Variants in MIA3 observed in about 807,000 individuals in gnomAD.
MIA3 encodes MIA SH3 domain ER export factor 3, also known as transport and Golgi organization protein 1 homolog.
A neutral mutation model predicts 192.4 loss-of-function variants in MIA3; 90 were observed. That is an observed-to-expected ratio of 0.47 (90% CI 0.39 to 0.56). The LOEUF is 0.56. Among genes scored for constraint, MIA3 ranks in the 20% least tolerant of loss-of-function variants. The probability of loss-of-function intolerance (pLI) is 0.00; values close to 1 mark genes in which losing one functional copy is unlikely to be tolerated. For missense variants in MIA3, 2,123 were observed against 2,269.4 expected (o/e 0.94, Z 1.31); for synonymous variants, 740 against 792.8 (o/e 0.93, Z 1.12).
intron 6 of MIA3, among the ~76,000 whole-genome samples, chr1:222,641,093 GA>G (rs1342249221): frequency 1.3e-5 from 2 of 152,208 alleles, no homozygotes; most frequent in Non-Finnish European, 2.9e-5. Flanking sequence ...GGAGGAAATG[GA>G]AGTATCATAC....
In MIA3 at chr1:222,630,273, T is replaced by G. The variant is rs777709330; in HGVS notation, c.3053T>G (p.Leu1018Arg). Residue 1018 changes from leucine (L) to arginine (R), a missense_variant, in exon 4 of 28, where the codon CTT becomes CGT. Coordinates refer to ENST00000344922, the MANE Select transcript of MIA3 (RefSeq NM_198551.4). Reference sequence around the variant, plus strand: ...AACATATTTGAAGAGGCTGCAGTGCTTGATGACATTCAAGACCTCATCTAT... The same window carrying G: ...AACATATTTGAAGAGGCTGCAGTGCGTGATGACATTCAAGACCTCATCTAT... The part of the protein sequence containing the change: ...ENNIFEEAAV[L>R]DDIQDLIYFV... 1.9e-6 allele frequency: 3 copies of G among 1,614,232 alleles called. No homozygotes were observed. In the East Asian group the frequency reaches 6.7e-5, roughly 36 times the overall value.
intron 6 of MIA3, chr1:222,641,979 T>G: frequency 2.8e-6 from 1 of 360,504 alleles, no homozygotes; most frequent in South Asian, 2.2e-5. Flanking sequence ...AAAAGAACCA[T>G]TATAGATATG....
chr1:222,664,116 C>T lies in MIA3; in HGVS notation c.5381C>T (p.Pro1794Leu). 1.2e-6 allele frequency: 2 copies of T among 1,614,186 alleles called. No homozygotes were observed. Among genetic ancestry groups the T allele is most frequent in the Non-Finnish European group, 1.7e-6 (2 of 1,180,006 alleles). Residue 1794 changes from proline (P) to leucine (L), a missense_variant, in exon 27 of 28, where the codon CCT becomes CTT. Physicochemically the swap from Pro to Leu is moderately conservative, Grantham distance 98. Around this residue, in one of 3 missense-constraint regions of MIA3, gnomAD observed 762 missense variants for 856.4 expected, o/e 0.89. Coordinates refer to ENST00000344922, the MANE Select transcript of MIA3 (RefSeq NM_198551.4). ...RYGPPPQLCG[P>L]FGPRPLPPPF... ...GGACCACCACCTCAGCTCTGCGGAC[C>T]TTTTGGGCCTCGGCCACTTCCTCCA...
intron 6 of MIA3, among the ~76,000 whole-genome samples, chr1:222,642,381 C>T (rs564030269): frequency 6.6e-6 from 1 of 152,204 alleles, no homozygotes; most frequent in South Asian, 2.1e-4. Context: ...TGACAGCATA[C>T]CCTAGCAGTA....
At position 222,648,596 on chromosome 1, in the gene MIA3, A is replaced by G. The variant is rs547670649; in HGVS notation, c.3610-233A>G. ...ATATAAACATATCTTTAGCTGTGCA[A>G]AGTAAGATATTTACCTCAGTGCTTT... On this transcript the variant is annotated intron_variant, in intron 7 of 27. Transcript: ENST00000344922. 7.2e-5 allele frequency among the ~76,000 whole-genome samples: 11 copies of G among 152,326 alleles called. No individual in the cohort carries two copies. The South Asian group carries it at 1.9e-3, about 26-fold the overall frequency.
intron 6 of MIA3, among the ~76,000 whole-genome samples, chr1:222,639,238 T>A (rs79169224): frequency 0.014 from 2,120 of 152,306 alleles, 57 homozygotes; most frequent in African/African-American, 0.048. Flanking sequence ...GTAAATTGGA[T>A]TTACAGCTAA....
At position 222,654,279 on chromosome 1, in the gene MIA3, A is replaced by G; in HGVS notation, c.4358A>G (p.Gln1453Arg). ...RNEKMKNQIK[Q>R]MMDVSRTQTA... ...GAGAAGATGAAAAATCAAATTAAGC[A>G]GATGATGGATGTCTCTCGGGTATAA... Residue 1453 changes from glutamine to arginine, a missense_variant, in exon 16 of 28, where the codon CAG becomes CGG. Gln to Arg is a conservative substitution (Grantham distance 43). Around this residue, in one of 3 missense-constraint regions of MIA3, gnomAD observed 762 missense variants for 856.4 expected, o/e 0.89. Coordinates refer to ENST00000344922, the MANE Select transcript of MIA3 (RefSeq NM_198551.4). 2 of 1,614,098 alleles carry G rather than the reference A, an allele frequency of 1.2e-6. No individual in the cohort carries two copies. Among genetic ancestry groups the G allele is most frequent in the East Asian group, 2.2e-5 (1 of 44,868 alleles).
In MIA3 at chr1:222,665,628, CCT is replaced by C. The variant is rs1664248469; in HGVS notation, c.*12_*13del. The stretch of plus-strand genomic sequence containing the variant: ...TAAAACAGAGCCCATAAAACTATGA[CCT>C]CTGAGGTTTCATTGGAAAGAAAGTG... On this transcript the variant is annotated 3_prime_UTR_variant, in exon 28 of 28. Coordinates refer to ENST00000344922, the MANE Select transcript of MIA3 (RefSeq NM_198551.4). 6.4e-7 allele frequency: 1 copy of C among 1,553,718 alleles called. No homozygotes were observed. The highest frequency in any genetic ancestry group is 2.1e-5 in the Admixed American group (1 of 47,286).
chr1:222,627,488 G>A (rs1184169132), intron 3 of MIA3, 87 bp from the exon 4 acceptor site: 37 of 1,172,476 alleles, frequency 3.2e-5, no homozygotes, highest in Non-Finnish European at 4.2e-5. Context: ...ACGTGAATTC[G>A]AGATTATCTC....
intron 18 of MIA3, among the ~76,000 whole-genome samples, chr1:222,655,093 C>T (rs903373368): frequency 2.0e-5 from 3 of 152,182 alleles, no homozygotes; most frequent in Non-Finnish European, 4.4e-5. Flanking sequence ...TCTGTGGCTC[C>T]GCCACTTGTT....
At chr1:222,649,599 C>T (rs1371590217) in intron 8 of MIA3, 1 of 152,218 alleles carries the variant, frequency 6.6e-6, no homozygotes, top group Non-Finnish European at 1.5e-5. Flanking sequence ...AACCCCATCT[C>T]TATAAAAAAA....
chr1:222,629,550 A>C lies in MIA3; in HGVS notation c.2330A>C (p.Glu777Ala). Residue 777 changes from glutamate to alanine, a missense_variant, in exon 4 of 28, where the codon GAA becomes GCA. Glu to Ala is a moderately radical substitution (Grantham distance 107). This residue lies in a region of MIA3 where 1,357 missense variants were observed against 1,396.1 expected (regional missense o/e 0.97). Transcript: ENST00000344922. ...ATTCATCCAGATCCAGAAATTGAAG[A>C]AAGCAAGCAAGAAACTAGTATGATT... ...GTIHPDPEIEESKQETSMILD... is the reference protein window; with the variant it reads ...GTIHPDPEIEASKQETSMILD... 1.2e-6 allele frequency: 2 copies of C among 1,613,936 alleles called. No homozygotes were observed. The highest frequency in any genetic ancestry group is 1.7e-6 in the Non-Finnish European group (2 of 1,179,956).
chr1:222,623,237 A>G (rs1661956042), intron 2 of MIA3, among the ~76,000 whole-genome samples: 1 of 151,382 alleles, frequency 6.6e-6, no homozygotes. Flanking sequence ...GCAAAATTAG[A>G]CATAAAGATT....
chr1:222,664,173 T>C (rs772308096), intron 27 of MIA3, 25 bp downstream of exon 27: 1 of 1,613,040 alleles, frequency 6.2e-7, no homozygotes, highest in African/African-American at 1.3e-5. Flanking sequence ...ACAGTAGTAA[T>C]TGACTTGTAA....
At chr1:222,619,374 C>T (rs961794633) in intron 1 of MIA3, among the ~76,000 whole-genome samples, 7 of 152,126 alleles carry the variant, frequency 4.6e-5, no homozygotes, top group African/African-American at 1.4e-4. Context: ...TTTAAGAAGG[C>T]CAAGAACTCT....
intron 6 of MIA3, among the ~76,000 whole-genome samples, chr1:222,644,770 ACT>A (rs1663054202): frequency 7.0e-6 from 1 of 143,734 alleles, no homozygotes; most frequent in Non-Finnish European, 1.5e-5. Flanking sequence ...AGGTTTCGTC[ACT>A]CTTTTTTTTT....
At chr1:222,632,712 G>A (rs1325477259) in intron 5 of MIA3, among the ~76,000 whole-genome samples, 1 of 152,204 alleles carries the variant, frequency 6.6e-6, no homozygotes, top group Non-Finnish European at 1.5e-5. Context: ...GCAAATTACA[G>A]TTGGAGAACC....
rs750345594 is a variant in MIA3 at position 222,665,386 on chromosome 1, C to T, written c.5491C>T (p.His1831Tyr). 6 of 1,613,960 alleles carry T rather than the reference C, an allele frequency of 3.7e-6. No individual in the cohort carries two copies. The highest frequency in any genetic ancestry group is 1.7e-5 in the Admixed American group (1 of 60,012). Residue 1831 changes from histidine to tyrosine, a missense_variant, in exon 28 of 28, where the codon CAC (histidine) becomes TAC (tyrosine). Around this residue, in one of 3 missense-constraint regions of MIA3, gnomAD observed 762 missense variants for 856.4 expected, o/e 0.89. Coordinates refer to ENST00000344922, the MANE Select transcript of MIA3 (RefSeq NM_198551.4). ...ACCAGGAAGACGGGACCTGCCTCTCCACCCTCGGGGATTTTTACCTGGACA... is the reference window on the plus strand; with the variant it reads ...ACCAGGAAGACGGGACCTGCCTCTCTACCCTCGGGGATTTTTACCTGGACA... ...VPPGRRDLPLHPRGFLPGHAP... is the reference protein window; with the variant it reads ...VPPGRRDLPLYPRGFLPGHAP...
chr1:222,635,897 T>TG (rs1662602933), intron 6 of MIA3, among the ~76,000 whole-genome samples: 1 of 152,226 alleles, frequency 6.6e-6, no homozygotes, highest in African/African-American at 2.4e-5. Flanking sequence ...TACATTCCTT[T>TG]GTTGCCTATT....
Sources: allele counts gnomAD v4.1 joint callset (sites outside exome capture counted in the v4.1 genomes callset), GRCh38; gene constraint gnomAD v4.1.1; regional missense constraint gnomAD v4.1.1; transcripts MANE v1.5; gene names NCBI Gene and HGNC (gene_info 2026-07-23, HGNC 2026-07-21).